The following PXDNL variants were observed in gnomAD, a reference collection of about 807,000 sequenced individuals.
PXDNL encodes the protein probable oxidoreductase PXDNL.
PXDNL carries 145 observed loss-of-function variants against 150.8 expected under a neutral mutation model. The ratio of observed to expected loss-of-function variants is 0.96; its 90% confidence interval spans 0.84 to 1.10. PXDNL has a LOEUF of 1.10. Ranked by LOEUF, PXDNL falls within the 50% of genes least tolerant of loss-of-function variation. The pLI is 0.00. For missense variants in PXDNL, 2,087 were observed against 1,873.9 expected (o/e 1.11, Z -2.10); for synonymous variants, 757 against 725.7 (o/e 1.04, Z -0.69).
chr8:51,343,860 A>C (rs16916024), intron 20 of PXDNL, among the ~76,000 whole-genome samples: 4,509 of 152,270 alleles, frequency 0.03, 214 homozygotes, highest in African/African-American at 0.1. Context: ...GGGCCAAGTG[A>C]ATGTTTCCAA....
intron 8 of PXDNL, 46 bp from the exon 9 acceptor site, chr8:51,457,713 T>C (rs1809967992): frequency 6.8e-7 from 1 of 1,471,956 alleles, no homozygotes; most frequent in Non-Finnish European, 9.4e-7. Flanking sequence ...CCCATTCATG[T>C]TTAAAACTCT....
chr8:51,794,710 T>C (rs1041807523), intron 1 of PXDNL, among the ~76,000 whole-genome samples: 3 of 152,022 alleles, frequency 2.0e-5, no homozygotes, highest in Non-Finnish European at 4.4e-5. Flanking sequence ...AAAAACACAC[T>C]GAAGCACAAA....
At chr8:51,614,350 C>G (rs188646995) in intron 2 of PXDNL, among the ~76,000 whole-genome samples, 19 of 152,352 alleles carry the variant, frequency 1.2e-4, no homozygotes, top group Non-Finnish European at 2.1e-4. Flanking sequence ...AGACTGTAAC[C>G]TACTCTTGTA....
At chr8:51,807,323 C>T (rs2037688166) in intron 1 of PXDNL, among the ~76,000 whole-genome samples, 2 of 147,764 alleles carry the variant, frequency 1.4e-5, no homozygotes, top group African/African-American at 4.9e-5. Flanking sequence ...GCAAGAAGAG[C>T]TATATACTTT....
intron 12 of PXDNL, among the ~76,000 whole-genome samples, chr8:51,437,244 A>C (rs758455811): frequency 1.6e-4 from 24 of 152,194 alleles, no homozygotes; most frequent in Non-Finnish European, 3.2e-4. Flanking sequence ...TTCATAGCTG[A>C]ATTCTATCAG....
At chr8:51,414,121 G>T (rs1334268740) in intron 14 of PXDNL, among the ~76,000 whole-genome samples, 1 of 151,790 alleles carries the variant, frequency 6.6e-6, no homozygotes, top group Non-Finnish European at 1.5e-5. Context: ...TAATAGGAAG[G>T]TATTGTATGT....
intron 2 of PXDNL, among the ~76,000 whole-genome samples, chr8:51,637,606 G>A (rs939349409): frequency 2.0e-5 from 3 of 152,086 alleles, no homozygotes; most frequent in African/African-American, 7.2e-5. Context: ...TATCAGTGAT[G>A]GAAGACCAAA....
At chr8:51,527,703 C>T (rs1811798886) in intron 4 of PXDNL, among the ~76,000 whole-genome samples, 1 of 152,264 alleles carries the variant, frequency 6.6e-6, no homozygotes, top group East Asian at 1.9e-4. Context: ...TTATAACCTA[C>T]ATGTAGGAGA....
chr8:51,668,400 C>T (rs1477194082), intron 1 of PXDNL, among the ~76,000 whole-genome samples: 1 of 151,952 alleles, frequency 6.6e-6, no homozygotes, highest in African/African-American at 2.4e-5. Context: ...GTCTCGAACC[C>T]CTGACCTCAA....
Position 51,457,589 on chromosome 8 carries a change from C to T in PXDNL, c.891G>A (p.Glu297=), listed in dbSNP as rs1809964634. The change falls in exon 9 of 23, where the codon GAG becomes GAA. Residue 297 remains glutamate, a synonymous_variant. Transcript: ENST00000356297. Reference sequence around the variant, plus strand: ...TGCACTGATAGACACCTTGGTCTGACTCTCTGGTGTTTCGGATCATGAGTG... The same window carrying T: ...TGCACTGATAGACACCTTGGTCTGATTCTCTGGTGTTTCGGATCATGAGTG... ...DGTLMIRNTR[E]SDQGVYQCMA... is the part of the protein sequence containing the mutation. 1 of 1,613,760 alleles carries T rather than the reference C, an allele frequency of 6.2e-7. No individual in the cohort carries two copies. The highest frequency in any genetic ancestry group is 8.5e-7 in the Non-Finnish European group (1 of 1,179,804).
At chr8:51,631,765 G>C (rs894007897) in intron 2 of PXDNL, among the ~76,000 whole-genome samples, 4 of 152,058 alleles carry the variant, frequency 2.6e-5, no homozygotes, top group Admixed American at 2.6e-4. Flanking sequence ...ATATGTAATA[G>C]TAACAACATA....
chr8:51,604,573 A>C (rs1438454952), intron 2 of PXDNL, among the ~76,000 whole-genome samples: 1 of 152,200 alleles, frequency 6.6e-6, no homozygotes. Context: ...TGGGTGCAGC[A>C]CACCAACATG....
intron 2 of PXDNL, among the ~76,000 whole-genome samples, chr8:51,613,198 T>G (rs752829994): frequency 6.6e-6 from 1 of 151,694 alleles, no homozygotes; most frequent in Non-Finnish European, 1.5e-5. Flanking sequence ...CTGTCACTGT[T>G]CACCAAAAAA....
chr8:51,670,938 AAAG>A (rs1206829699), intron 1 of PXDNL, among the ~76,000 whole-genome samples: 2 of 152,248 alleles, frequency 1.3e-5, no homozygotes, highest in Non-Finnish European at 2.9e-5. Context: ...TGCCATGCAT[AAAG>A]AAGAATGCCA....
chr8:51,587,138 A>ATGT, intron 3 of PXDNL, among the ~76,000 whole-genome samples: 1 of 152,316 alleles, frequency 6.6e-6, no homozygotes, highest in East Asian at 1.9e-4. Flanking sequence ...TTGGATGTCA[A>ATGT]GATGTTTCTG....
At chr8:51,499,908 AACTCTGAGAT>A (rs1386620475) in intron 4 of PXDNL, 138 bp from the exon 5 acceptor site, 1 of 599,978 alleles carries the variant, frequency 1.7e-6, no homozygotes, top group African/African-American at 1.9e-5. Flanking sequence ...AAAAATCAGA[AACTCTGAGAT>A]ATTTTGTCTC....
At chr8:51,533,035 C>G (rs6473615) in intron 4 of PXDNL, among the ~76,000 whole-genome samples, 2 of 152,138 alleles carry the variant, frequency 1.3e-5, no homozygotes, top group Admixed American at 1.3e-4. Context: ...ACAGCAGCAA[C>G]TCCAGAAGCT....
At chr8:51,545,367 T>C (rs74603328) in intron 4 of PXDNL, among the ~76,000 whole-genome samples, 4,016 of 152,272 alleles carry the variant, frequency 0.026, 84 homozygotes, top group Middle Eastern at 0.051. Context: ...ATAGTAAAAA[T>C]TACCCAAAGC....
intron 1 of PXDNL, among the ~76,000 whole-genome samples, chr8:51,762,171 T>C (rs1224026457): frequency 6.6e-6 from 1 of 152,204 alleles, no homozygotes; most frequent in Non-Finnish European, 1.5e-5. Flanking sequence ...TGGGGAGTCA[T>C]GCCCTACAAA....
Sources: allele counts gnomAD v4.1 joint callset (sites outside exome capture counted in the v4.1 genomes callset), GRCh38; gene constraint gnomAD v4.1.1; transcripts MANE v1.5; gene names NCBI Gene and HGNC (gene_info 2026-07-23, HGNC 2026-07-21).